Variants in CRIM1 observed in about 807,000 individuals in gnomAD.
CRIM1 encodes the protein cysteine-rich motor neuron 1 protein.
A neutral mutation model predicts 116.4 loss-of-function variants in CRIM1; 32 were observed. The ratio of observed to expected loss-of-function variants is 0.27; its 90% CI spans 0.21 to 0.37. The LOEUF is 0.37. Among genes scored for constraint, CRIM1 ranks in the 10% least tolerant of loss-of-function variants. The pLI is 1.00. For synonymous variants in CRIM1, 590 were observed against 509.2 expected (o/e 1.16, Z -2.13); for missense variants, 1,331 against 1,354.8 (o/e 0.98, Z 0.28).
At chr2:36,392,274 A>G (rs139787487) in intron 1 of CRIM1, among the ~76,000 whole-genome samples, 42 of 152,346 alleles carry the variant, frequency 2.8e-4, no homozygotes, top group African/African-American at 9.4e-4. Flanking sequence ...TAGAGAAAGT[A>G]ACTTATGTAA....
intron 4 of CRIM1, among the ~76,000 whole-genome samples, chr2:36,447,517 T>C (rs1226551601): frequency 6.6e-6 from 1 of 152,170 alleles, no homozygotes; most frequent in Admixed American, 6.5e-5. Flanking sequence ...TGACTGAGAC[T>C]GGATGTCCCT....
At chr2:36,509,910 A>T in intron 8 of CRIM1, 73 bp from the exon 9 acceptor site, 1 of 1,349,858 alleles carries the variant, frequency 7.4e-7, no homozygotes, top group Non-Finnish European at 1.0e-6. Flanking sequence ...GGATTCAGGG[A>T]CCGTATTTCA....
intron 5 of CRIM1, among the ~76,000 whole-genome samples, chr2:36,468,888 C>G (rs939509402): frequency 2.6e-5 from 4 of 152,168 alleles, no homozygotes; most frequent in Non-Finnish European, 4.4e-5. Flanking sequence ...ACACAAACAT[C>G]TAGATAAAAT....
intron 5 of CRIM1, among the ~76,000 whole-genome samples, chr2:36,470,048 A>C (rs1678368657): frequency 6.6e-6 from 1 of 152,240 alleles, no homozygotes; most frequent in Admixed American, 6.5e-5. Context: ...TATAGTTAGC[A>C]AGACCAGATA....
intron 7 of CRIM1, among the ~76,000 whole-genome samples, chr2:36,497,812 G>A (rs972067991): frequency 6.6e-6 from 1 of 152,186 alleles, no homozygotes; most frequent in Non-Finnish European, 1.5e-5. Flanking sequence ...CCTTTTAGTA[G>A]ATGGATAAAA....
chr2:36,541,819 T>C (rs570961881), intron 14 of CRIM1, among the ~76,000 whole-genome samples: 1 of 152,332 alleles, frequency 6.6e-6, no homozygotes, highest in East Asian at 1.9e-4. Flanking sequence ...AAAGGGCTCT[T>C]CTAGTAAATA....
intron 1 of CRIM1, among the ~76,000 whole-genome samples, chr2:36,363,227 T>A (rs1247176015): frequency 6.7e-6 from 1 of 149,236 alleles, no homozygotes; most frequent in Non-Finnish European, 1.5e-5. Flanking sequence ...AAGAACTTGG[T>A]TTCTGGGGTC....
rs1025762884 is a variant in CRIM1 at position 36,356,202 on chromosome 2, G to A, written c.-91G>A. 4.0e-6 allele frequency: 2 copies of A among 500,672 alleles called. No individual in the cohort carries two copies. Among genetic ancestry groups the A allele is most frequent in the Non-Finnish European group, 5.8e-6 (2 of 343,346 alleles). 31.0% of individuals were successfully genotyped at this position (500,672 alleles called of 1,614,324 possible). ...GGTGAGGACCGCGGGCTGCTGGTGC[G>A]GCGGCGGCGGCGCGTGTGCCCCGCG... is the stretch of plus-strand genomic sequence containing the variant. On this transcript the variant is annotated 5_prime_UTR_variant, in exon 1 of 17. Transcript: ENST00000280527. The surrounding 1 kb of genome is among the most constrained non-coding windows in gnomAD (Gnocchi z 4.3).
chr2:36,510,132 G>A lies in CRIM1; in HGVS notation c.1651G>A (p.Gly551Arg). 6.2e-7 allele frequency: 1 copy of A among 1,612,894 alleles called. No individual in the cohort carries two copies. The highest frequency in any genetic ancestry group is 8.5e-7 in the Non-Finnish European group (1 of 1,179,598). ...PIICDKYCPL[G>R]LLKNKHGCDI... is the part of the protein sequence containing the mutation. The stretch of plus-strand genomic sequence containing the variant: ...AATCTGTGACAAGTATTGTCCACTT[G>A]GATTGCTGTACGTATTTGTTAATTC... Residue 551 changes from glycine to arginine, a missense_variant, in exon 9 of 17, where the codon GGA becomes AGA. Physicochemically the swap from Gly to Arg is moderately radical, Grantham distance 125. Transcript: ENST00000280527.
In CRIM1 at chr2:36,382,638, G is replaced by A. The variant is rs1052562125; in HGVS notation, c.332-13976G>A. Among the ~76,000 whole-genome samples, 30 of 152,322 alleles carry A rather than the reference G, an allele frequency of 2.0e-4. 1 individual carries two copies. Among genetic ancestry groups the A allele is most frequent in the African/African-American group, 5.3e-4 (22 of 41,582 alleles). On this transcript the variant is annotated intron_variant, in intron 1 of 16. Coordinates refer to ENST00000280527, the MANE Select transcript of CRIM1 (RefSeq NM_016441.3). ...TGTGCAGCATCCCTTTCCTCCACCC[G>A]ATTGATAAGACACCAGGTGAGGTCC... is the stretch of plus-strand genomic sequence containing the variant.
intron 1 of CRIM1, chr2:36,369,196 A>G (rs1045235151): frequency 5.9e-5 from 9 of 152,350 alleles, no homozygotes; most frequent in African/African-American, 2.2e-4. Context: ...TTTCTCTACA[A>G]AGCAGCCCAT....
chr2:36,506,250 C>T (rs1465120568), intron 8 of CRIM1, among the ~76,000 whole-genome samples: 2 of 151,504 alleles, frequency 1.3e-5, no homozygotes, highest in Non-Finnish European at 2.9e-5. Context: ...CCCAGTTCAC[C>T]TAACGTGCAC....
At chr2:36,360,411 G>A (rs923245537) in intron 1 of CRIM1, among the ~76,000 whole-genome samples, 2 of 152,128 alleles carry the variant, frequency 1.3e-5, no homozygotes, top group African/African-American at 2.4e-5. Flanking sequence ...TTGGAACTTA[G>A]CATTCCATCT....
chr2:36,467,247 A>G (rs986956586), intron 5 of CRIM1, among the ~76,000 whole-genome samples: 1 of 152,220 alleles, frequency 6.6e-6, no homozygotes, highest in African/African-American at 2.4e-5. Flanking sequence ...AACTGTGTCT[A>G]TTGATATATC....
At chr2:36,469,724 C>T (rs72865088) in intron 5 of CRIM1, among the ~76,000 whole-genome samples, 2,114 of 152,204 alleles carry the variant, frequency 0.014, 47 homozygotes, top group African/African-American at 0.049. Flanking sequence ...TTTCTAAGGA[C>T]GTAATGTCTT....
intron 1 of CRIM1, among the ~76,000 whole-genome samples, chr2:36,362,899 A>G (rs1669322142): frequency 6.6e-6 from 1 of 152,124 alleles, no homozygotes. Flanking sequence ...GGAAAAGTGT[A>G]ATGTTCAAGA....
chr2:36,522,111 C>A lies in CRIM1; in HGVS notation c.2226C>A (p.Ser742=). ...PQCTDQPFRP[S]LSRNNSVPNY... ...TTCCAGATCAACCTTTTCGGCCTTC[C>A]TTGTCCCGCAATAACAGCGTACCTA... is the stretch of plus-strand genomic sequence containing the variant. The change falls in exon 13 of 17, where the codon TCC becomes TCA. Residue 742 remains serine (S), a synonymous_variant. Coordinates refer to ENST00000280527, the MANE Select transcript of CRIM1 (RefSeq NM_016441.3). 10 of 1,614,152 alleles carry A rather than the reference C, an allele frequency of 6.2e-6. No homozygotes were observed. Among genetic ancestry groups the A allele is most frequent in the Non-Finnish European group, 8.5e-6 (10 of 1,179,996 alleles).
intron 2 of CRIM1, among the ~76,000 whole-genome samples, chr2:36,425,778 A>G (rs955413064): frequency 7.2e-5 from 11 of 152,214 alleles, no homozygotes. Flanking sequence ...GTTATTGCTA[A>G]ATACGAATAA....
intron 5 of CRIM1, among the ~76,000 whole-genome samples, chr2:36,475,426 A>G (rs1316493112): frequency 6.6e-6 from 1 of 152,156 alleles, no homozygotes; most frequent in Non-Finnish European, 1.5e-5. Flanking sequence ...GGGAGTTGCA[A>G]TTGTACTCTG....
Sources: allele counts gnomAD v4.1 joint callset (sites outside exome capture counted in the v4.1 genomes callset), GRCh38; gene constraint gnomAD v4.1.1; non-coding constraint Gnocchi (gnomAD v3.1); transcripts MANE v1.5; gene names NCBI Gene and HGNC (gene_info 2026-07-23, HGNC 2026-07-21).